TCERG1: variants seen among roughly 807,000 people sequenced by gnomAD.
TCERG1 encodes transcription elongation regulator 1.
TCERG1 carries 37 observed loss-of-function variants against 144.7 expected under a neutral mutation model. That is an observed-to-expected ratio of 0.26 (90% CI 0.20 to 0.34). The LOEUF (loss-of-function observed/expected upper bound fraction) is 0.34. Ranked by LOEUF, TCERG1 falls within the 10% of genes least tolerant of loss-of-function variation. The pLI, the probability that TCERG1 is intolerant of heterozygous loss-of-function variation, is 1.00. For missense variants in TCERG1, 1,027 were observed against 1,380.7 expected (o/e 0.74, Z 4.06); for synonymous variants, 492 against 458.2 (o/e 1.07, Z -0.94).
chr5:146,459,807 A>G (rs1169661597), intron 4 of TCERG1, among the ~76,000 whole-genome samples: 1 of 152,252 alleles, frequency 6.6e-6, no homozygotes, highest in Non-Finnish European at 1.5e-5. Context: ...GAAACGGAGT[A>G]GGGTTTAAGC....
Position 146,503,967 on chromosome 5 carries a change from A to G in TCERG1, c.2742A>G (p.Glu914=). The change falls in exon 19 of 23, where the codon GAA becomes GAG. Residue 914 remains glutamate, a synonymous_variant. Transcript: ENST00000679501. ...GAGAGAGAGAGCAGCACAAACGAGAAGAAGCTATCCAGAATTTCAAAGCTC... is the reference window on the plus strand; with the variant it reads ...GAGAGAGAGAGCAGCACAAACGAGAGGAAGCTATCCAGAATTTCAAAGCTC... The part of the protein sequence containing the change: ...IDREREQHKR[E]EAIQNFKALL... The G allele has an allele frequency of 6.3e-7, 1 of 1,596,856 alleles. No homozygotes were observed. The highest frequency in any genetic ancestry group is 2.2e-5 in the East Asian group (1 of 44,710).
intron 15 of TCERG1, among the ~76,000 whole-genome samples, chr5:146,485,265 G>A (rs1765720981): frequency 6.6e-6 from 1 of 152,120 alleles, no homozygotes; most frequent in Non-Finnish European, 1.5e-5. Context: ...TTGTCCCAGT[G>A]CCTTCTAATC....
chr5:146,461,499 A>G (rs550130319), intron 4 of TCERG1, among the ~76,000 whole-genome samples: 43 of 152,224 alleles, frequency 2.8e-4, no homozygotes, highest in Non-Finnish European at 5.1e-4. Context: ...CCATTCTCCC[A>G]GTTTCCCATT....
At chr5:146,468,840 T>G (rs1266906548) in intron 6 of TCERG1, among the ~76,000 whole-genome samples, 1 of 152,254 alleles carries the variant, frequency 6.6e-6, no homozygotes, top group East Asian at 1.9e-4. Flanking sequence ...TGAAGTAAGA[T>G]AACTACCTGA....
At chr5:146,494,121 G>GT (rs962794155) in intron 16 of TCERG1, among the ~76,000 whole-genome samples, 30 of 152,088 alleles carry the variant, frequency 2.0e-4, no homozygotes, top group African/African-American at 7.0e-4. Context: ...GGAGTCCTGA[G>GT]TTTTTTCTGA....
At position 146,457,326 on chromosome 5, in the gene TCERG1, A is replaced by G; in HGVS notation, c.429A>G (p.Pro143=). The G allele has an allele frequency of 1.2e-6, 2 of 1,606,766 alleles. No individual in the cohort carries two copies. The highest frequency in any genetic ancestry group is 1.7e-6 in the Non-Finnish European group (2 of 1,176,808). ...TEEIWVENKT[P]DGKVYYYNAR... ...AGATATGGGTTGAAAATAAAACTCC[A>G]GATGGGAAGGTAAATAATAAAATAT... The change falls in exon 3 of 23, where the codon CCA becomes CCG. Residue 143 remains proline (P), a synonymous_variant. Transcript: ENST00000679501.
chr5:146,484,669 C>T (rs1427788967), intron 15 of TCERG1, among the ~76,000 whole-genome samples: 1 of 152,110 alleles, frequency 6.6e-6, no homozygotes, highest in African/African-American at 2.4e-5. Context: ...AAAAAACAAA[C>T]TCTGTGTGAG....
intron 4 of TCERG1, 55 bp from the exon 5 acceptor site, chr5:146,463,496 A>G (rs1406432854): frequency 7.5e-6 from 12 of 1,605,724 alleles, no homozygotes; most frequent in African/African-American, 1.3e-5. Flanking sequence ...ATGAATGAAT[A>G]TAGTAAAATG....
intron 1 of TCERG1, among the ~76,000 whole-genome samples, chr5:146,454,569 G>T (rs183255371): frequency 2.7e-5 from 4 of 147,024 alleles, no homozygotes; most frequent in African/African-American, 7.5e-5. Flanking sequence ...ATTGATGTAA[G>T]TTTTTTTTTT....
chr5:146,486,774 C>T (rs1765874320), intron 15 of TCERG1, among the ~76,000 whole-genome samples: 1 of 152,150 alleles, frequency 6.6e-6, no homozygotes, highest in Non-Finnish European at 1.5e-5. Flanking sequence ...CTAAAAATCT[C>T]TTAGAACTGA....
chr5:146,454,690 C>T (rs766344458), intron 1 of TCERG1, among the ~76,000 whole-genome samples: 8 of 152,050 alleles, frequency 5.3e-5, no homozygotes, highest in Non-Finnish European at 8.8e-5. Context: ...CTCTGCCTTG[C>T]GGGTTCAAGT....
chr5:146,479,702 TA>T (rs1448460584), intron 10 of TCERG1, among the ~76,000 whole-genome samples, 152 bp from the exon 11 acceptor site: 1 of 152,180 alleles, frequency 6.6e-6, no homozygotes, highest in African/African-American at 2.4e-5. Context: ...GGAGGATAAA[TA>T]GAGGAAGTGT....
intron 17 of TCERG1, 87 bp downstream of exon 17, chr5:146,498,773 A>G: frequency 1.4e-6 from 2 of 1,386,868 alleles, no homozygotes; most frequent in African/African-American, 1.5e-5. Flanking sequence ...AACCTTATTC[A>G]TTGGCATAAA....
At chr5:146,456,240 A>G (rs1195403084) in intron 2 of TCERG1, among the ~76,000 whole-genome samples, 1 of 152,184 alleles carries the variant, frequency 6.6e-6, no homozygotes, top group Non-Finnish European at 1.5e-5. Context: ...AAATGGTTTT[A>G]TATTTGCTTC....
chr5:146,487,893 A>G (rs944993886), intron 15 of TCERG1, among the ~76,000 whole-genome samples: 5 of 152,180 alleles, frequency 3.3e-5, no homozygotes, highest in African/African-American at 1.2e-4. Context: ...GTACTGGCAT[A>G]AAAACAGACA....
At position 146,507,963 on chromosome 5, in the gene TCERG1, G is replaced by C. The variant is rs769080485; in HGVS notation, c.3045+7G>C. ...GTTCTCCTCCAGTGACAGGGTAAGA[G>C]GATTTTGTGTCGAGATTTACTGTCA... On this transcript the variant is annotated splice_region_variant and intron_variant, in intron 21 of 22. Coordinates refer to ENST00000679501, the MANE Select transcript of TCERG1 (RefSeq NM_001382548.1). This position sits in a 1 kb window ranked among gnomAD's most constrained non-coding sequence, Gnocchi z 4.6. 2.5e-5 allele frequency: 40 copies of C among 1,595,792 alleles called. No homozygotes were observed. The highest frequency in any genetic ancestry group is 3.3e-5 in the Non-Finnish European group (39 of 1,170,464).
At chr5:146,451,523 A>G (rs980730833) in intron 1 of TCERG1, among the ~76,000 whole-genome samples, 14 of 151,548 alleles carry the variant, frequency 9.2e-5, no homozygotes, top group East Asian at 2.0e-4. Context: ...GGGTTTCACT[A>G]TGTTGGCCAG....
intron 17 of TCERG1, among the ~76,000 whole-genome samples, chr5:146,501,019 A>G (rs1009278987): frequency 6.9e-6 from 1 of 145,260 alleles, no homozygotes; most frequent in East Asian, 2.0e-4. Context: ...AAAAAAAAAA[A>G]GAAAAAAAAG....
intron 1 of TCERG1, among the ~76,000 whole-genome samples, chr5:146,451,842 C>T (rs957186476): frequency 2.7e-5 from 4 of 150,560 alleles, no homozygotes; most frequent in Non-Finnish European, 4.4e-5. Flanking sequence ...GGCTGGAATG[C>T]GGTGGTGCAA....
Sources: allele counts gnomAD v4.1 joint callset (sites outside exome capture counted in the v4.1 genomes callset), GRCh38; gene constraint gnomAD v4.1.1; non-coding constraint Gnocchi (gnomAD v3.1); transcripts MANE v1.5; gene names NCBI Gene and HGNC (gene_info 2026-07-23, HGNC 2026-07-21).